PRIM2: variants seen among roughly 807,000 people sequenced by gnomAD.
The protein encoded by PRIM2 is DNA primase subunit 2, also known as DNA primase large subunit.
Under a neutral mutation model 67.3 loss-of-function variants are expected in PRIM2, and 39 were observed. The ratio of observed to expected loss-of-function variants is 0.58; its 90% CI spans 0.45 to 0.76. The LOEUF (loss-of-function observed/expected upper bound fraction) is 0.76. Among genes scored for constraint, PRIM2 ranks in the 30% least tolerant of loss-of-function variants. PRIM2 has a pLI of 0.00. For missense variants in PRIM2, 398 were observed against 598.7 expected, an observed-to-expected ratio of 0.66 and a Z score of 3.50; for synonymous variants, 143 against 198.7, an observed-to-expected ratio of 0.72 and a Z score of 2.36.
chr6:57,335,866 T>C (rs1172811643), intron 5 of PRIM2, among the ~76,000 whole-genome samples: 2 of 152,180 alleles, frequency 1.3e-5, no homozygotes, highest in Non-Finnish European at 2.9e-5. Context: ...GGAGAATGAC[T>C]TTGACGAGCT....
intron 10 of PRIM2, among the ~76,000 whole-genome samples, chr6:57,540,124 A>G (rs1316854751): frequency 6.6e-6 from 1 of 152,190 alleles, no homozygotes; most frequent in Non-Finnish European, 1.5e-5. Context: ...CATTGACATC[A>G]TGTATTATTA....
At chr6:57,384,292 T>G (rs1341111641) in intron 7 of PRIM2, among the ~76,000 whole-genome samples, 1 of 152,170 alleles carries the variant, frequency 6.6e-6, no homozygotes, top group Non-Finnish European at 1.5e-5. Context: ...TCTTCTGGCT[T>G]CTGGTAGTTC....
chr6:57,437,730 A>G (rs1772059906), intron 7 of PRIM2, among the ~76,000 whole-genome samples: 1 of 140,846 alleles, frequency 7.1e-6, no homozygotes, highest in Non-Finnish European at 1.5e-5. Context: ...CAAAGGTGCG[A>G]TCTTGGCTCA....
the PRIM2 span, among the ~76,000 whole-genome samples, chr6:57,253,089 GGAAAGGA>G: frequency 6.6e-6 from 1 of 152,216 alleles, no homozygotes; most frequent in Admixed American, 6.5e-5. Context: ...GTTTAGCCAG[GGAAAGGA>G]GAGTGTTCAA....
At chr6:57,240,250 C>A in the PRIM2 span, among the ~76,000 whole-genome samples, 2 of 152,004 alleles carry the variant, frequency 1.3e-5, no homozygotes, top group Non-Finnish European at 2.9e-5. Flanking sequence ...TACAGGCATG[C>A]GCCAACCGCG....
intron 3 of PRIM2, among the ~76,000 whole-genome samples, chr6:57,323,662 A>C (rs1562692857): frequency 6.6e-6 from 1 of 152,028 alleles, no homozygotes; most frequent in Non-Finnish European, 1.5e-5. Flanking sequence ...CATTAGGACA[A>C]ATACCTAATG....
intron 3 of PRIM2, 164 bp from the exon 4 acceptor site, chr6:57,324,037 A>G (rs1183819955): frequency 6.6e-6 from 1 of 152,514 alleles, no homozygotes; most frequent in Non-Finnish European, 1.5e-5. Context: ...GTGAGCTGTG[A>G]TTGACCACTA....
rs1478803587 is a variant in PRIM2 at position 57,569,269 on chromosome 6, G to A, written c.1020+31644G>A. On this transcript the variant is annotated intron_variant, in intron 10 of 13. Transcript: ENST00000615550. ...CTGAGCACATATAGGCACTCTGTAC[G>A]TTGTAGCTGTTGTTAATTTACTTTA... 2.5e-4 allele frequency among the ~76,000 whole-genome samples: 38 copies of A among 152,230 alleles called. No individual in the cohort carries two copies. In the East Asian group the frequency reaches 2.7e-3, roughly 11 times the overall value.
At chr6:57,330,348 G>GGTTT (rs1768009702) in intron 5 of PRIM2, among the ~76,000 whole-genome samples, 2 of 87,822 alleles carry the variant, frequency 2.3e-5, no homozygotes, top group East Asian at 6.4e-4. Context: ...TGCTGAACTT[G>GGTTT]TTTTTTTTTT....
intron 10 of PRIM2, among the ~76,000 whole-genome samples, chr6:57,559,484 C>T (rs1419754720): frequency 2.0e-5 from 3 of 152,190 alleles, no homozygotes; most frequent in Non-Finnish European, 4.4e-5. Context: ...AAGGTTCCAT[C>T]TGACTGATTT....
intron 7 of PRIM2, among the ~76,000 whole-genome samples, chr6:57,417,546 G>A (rs1771308347): frequency 6.6e-6 from 1 of 152,146 alleles, no homozygotes; most frequent in South Asian, 2.1e-4. Context: ...GAAGCTCTAA[G>A]GAGAGGAGAG....
intron 7 of PRIM2, among the ~76,000 whole-genome samples, chr6:57,466,206 T>A (rs1773185483): frequency 6.6e-6 from 1 of 152,238 alleles, no homozygotes; most frequent in South Asian, 2.1e-4. Flanking sequence ...CACATTTTCT[T>A]TATCAAGTCT....
At chr6:57,625,670 G>C (rs1441183380) in intron 12 of PRIM2, among the ~76,000 whole-genome samples, 7 of 152,158 alleles carry the variant, frequency 4.6e-5, no homozygotes, top group Admixed American at 6.5e-5. Context: ...AATGATGAAG[G>C]CTTCAAAAAT....
At chr6:57,450,802 A>G (rs1772518996) in intron 7 of PRIM2, among the ~76,000 whole-genome samples, 2 of 152,222 alleles carry the variant, frequency 1.3e-5, no homozygotes, top group Non-Finnish European at 2.9e-5. Flanking sequence ...GTATTGTAGT[A>G]GGTACTTAAG....
Position 57,438,907 on chromosome 6 carries a change from C to T in PRIM2, c.693+56739C>T, listed in dbSNP as rs182522815. On this transcript the variant is annotated intron_variant, in intron 7 of 13. Coordinates refer to ENST00000615550, the MANE Select transcript of PRIM2 (RefSeq NM_000947.5). ...CCTGCCTCAGCCTCCCGAGTAGCGG[C>T]CATGTTGGCCAGGCTGGTCTGGAAC... is the stretch of plus-strand genomic sequence containing the variant. Among the ~76,000 whole-genome samples, 1,228 of 151,920 alleles carry T rather than the reference C, an allele frequency of 8.1e-3. 10 individuals carry two copies. The highest frequency in any genetic ancestry group is 0.011 in the Non-Finnish European group (750 of 67,946).
chr6:57,263,583 T>G, the PRIM2 span, among the ~76,000 whole-genome samples: 1 of 152,178 alleles, frequency 6.6e-6, no homozygotes, highest in Non-Finnish European at 1.5e-5. Flanking sequence ...TTTAACTTGA[T>G]TATATCTGCA....
At chr6:57,628,816 T>C (rs1228004678) in intron 12 of PRIM2, among the ~76,000 whole-genome samples, 1 of 152,162 alleles carries the variant, frequency 6.6e-6, no homozygotes, top group Non-Finnish European at 1.5e-5. Flanking sequence ...AAGGACATGA[T>C]TTTGTTCTTT....
At chr6:57,607,514 G>A (rs1694731341) in intron 12 of PRIM2, among the ~76,000 whole-genome samples, 1 of 152,186 alleles carries the variant, frequency 6.6e-6, no homozygotes, top group Admixed American at 6.5e-5. Flanking sequence ...TTGCACAAAG[G>A]TTGGGAATTA....
At chr6:57,542,400 C>G (rs1371939638) in intron 10 of PRIM2, among the ~76,000 whole-genome samples, 2 of 150,070 alleles carry the variant, frequency 1.3e-5, no homozygotes, top group African/African-American at 5.0e-5. Context: ...GCTGCACCAG[C>G]CTATGTGGAC....
Sources: gnomAD v4.1 joint callset for allele counts (sites outside exome capture counted in the v4.1 genomes callset) on GRCh38, gnomAD v4.1.1 for gene constraint, MANE v1.5 for transcripts, NCBI Gene and HGNC (gene_info 2026-07-23, HGNC 2026-07-21) for gene names.